Variants in LGR5 observed in about 807,000 individuals in gnomAD.
LGR5 encodes leucine rich repeat containing G protein-coupled receptor 5, also known as leucine-rich repeat-containing G protein-coupled receptor 5.
In LGR5, 54 loss-of-function variants were observed where a neutral mutation model predicts 76.7. The observed-to-expected ratio is 0.70, with a 90% CI of 0.57 to 0.88. The LOEUF (loss-of-function observed/expected upper bound fraction) is 0.88. Ranked by LOEUF, LGR5 falls within the 40% of genes least tolerant of loss-of-function variation. The probability of loss-of-function intolerance (pLI) is 0.00; values close to 1 mark genes in which losing one functional copy is unlikely to be tolerated. For missense variants in LGR5, 1,078 were observed against 1,073.3 expected (o/e 1.00, Z -0.06); for synonymous variants, 406 against 421.9 (o/e 0.96, Z 0.46).
intron 1 of LGR5, among the ~76,000 whole-genome samples, chr12:71,472,473 G>A (rs1457441753): frequency 6.6e-6 from 1 of 152,146 alleles, no homozygotes; most frequent in African/African-American, 2.4e-5. Flanking sequence ...GAGCAAGTAT[G>A]CCCACAGATA....
chr12:71,481,469 G>A (rs1018691821), intron 1 of LGR5, among the ~76,000 whole-genome samples: 2 of 152,114 alleles, frequency 1.3e-5, no homozygotes, highest in Admixed American at 1.3e-4. Context: ...GTGTATATAT[G>A]CCACATTTTC....
At chr12:71,529,256 T>C (rs1051246167) in intron 3 of LGR5, among the ~76,000 whole-genome samples, 1 of 152,210 alleles carries the variant, frequency 6.6e-6, no homozygotes, top group African/African-American at 2.4e-5. Flanking sequence ...AAAAGAGCTT[T>C]AATTGGCTCA....
Position 71,553,090 on chromosome 12 carries a change from A to G in LGR5, c.446A>G (p.His149Arg). The G allele has an allele frequency of 1.9e-6, 3 of 1,613,862 alleles. No homozygotes were observed. The highest frequency in any genetic ancestry group is 2.5e-6 in the Non-Finnish European group (3 of 1,179,954). The change falls in exon 5 of 18, where the codon CAC (histidine) becomes CGC (arginine). Residue 149 changes from histidine to arginine, a missense_variant. Transcript: ENST00000266674. ...TTCCACAGGCGTCTGGATGCTAACC[A>G]CATCAGCTATGTGCCCCCAAGCTGT... ...SLQSLRLDANHISYVPPSCFS... is the reference protein window; with the variant it reads ...SLQSLRLDANRISYVPPSCFS...
chr12:71,471,819 A>C (rs933692213), intron 1 of LGR5, among the ~76,000 whole-genome samples: 1 of 152,180 alleles, frequency 6.6e-6, no homozygotes, highest in Non-Finnish European at 1.5e-5. Flanking sequence ...GAATAGGCCA[A>C]GCACAGTGCC....
chr12:71,489,491 A>G (rs965490638), intron 1 of LGR5, among the ~76,000 whole-genome samples: 6 of 152,206 alleles, frequency 3.9e-5, no homozygotes, highest in African/African-American at 1.4e-4. Flanking sequence ...AATTGATTTT[A>G]TAGAGTTCAT....
rs117312970 is a variant in LGR5, at chr12:71,480,259, G to A, written c.213-24355G>A. Among the ~76,000 whole-genome samples, 249 of 151,770 alleles carry A rather than the reference G, an allele frequency of 1.6e-3. 3 individuals carry two copies. In the East Asian group the frequency reaches 0.025, roughly 16 times the overall value. On this transcript the variant is annotated intron_variant, in intron 1 of 17. Transcript: ENST00000266674. ...TGTGCTTGTAATCCCAGCTGCTCGG[G>A]AGGCTGAGGCAGACACGCTTGAACC...
chr12:71,474,483 C>A (rs1873240854), intron 1 of LGR5, among the ~76,000 whole-genome samples: 1 of 152,152 alleles, frequency 6.6e-6, no homozygotes, highest in African/African-American at 2.4e-5. Flanking sequence ...AAAGGATAAG[C>A]TTCAGTTTAG....
At chr12:71,529,956 C>CAAAAAAAA (rs34678480) in intron 3 of LGR5, among the ~76,000 whole-genome samples, 1 of 91,396 alleles carries the variant, frequency 1.1e-5, no homozygotes, top group Non-Finnish European at 2.3e-5. Flanking sequence ...ATTCTGTCTC[C>CAAAAAAAA]AAAAAAAAAA....
At position 71,584,486 on chromosome 12, in the gene LGR5, CACTTTAAGG is replaced by C; in HGVS notation, c.2478_2486del (p.His826_Glu829delinsGln). The C allele has an allele frequency of 6.2e-7, 1 of 1,614,174 alleles. No homozygotes were observed. Among genetic ancestry groups the C allele is most frequent in the South Asian group, 1.1e-5 (1 of 91,074 alleles). On this transcript the variant is annotated inframe_deletion, in exon 18 of 18. Transcript: ENST00000266674. ...CCTTCTCTACATCTTGTTCAATCCT[CACTTTAAGG>C]AGGATCTGGTGAGCCTGAGAAAGCA...
intron 4 of LGR5, among the ~76,000 whole-genome samples, chr12:71,535,680 G>T (rs984546732): frequency 5.3e-5 from 8 of 152,104 alleles, no homozygotes; most frequent in Non-Finnish European, 8.8e-5. Context: ...AGGAGCCTAA[G>T]ATCTACTGGT....
intron 8 of LGR5, among the ~76,000 whole-genome samples, chr12:71,563,872 G>GTA (rs534909606): frequency 0.023 from 3,121 of 135,450 alleles, 130 homozygotes; most frequent in African/African-American, 0.063. Context: ...GTGTGTGTGT[G>GTA]TATATAGTGT....
At chr12:71,565,172 G>A (rs1878278412) in intron 8 of LGR5, among the ~76,000 whole-genome samples, 1 of 151,864 alleles carries the variant, frequency 6.6e-6, no homozygotes, top group African/African-American at 2.4e-5. Flanking sequence ...GACAGAAGAG[G>A]ATTTAGGTTT....
intron 1 of LGR5, among the ~76,000 whole-genome samples, chr12:71,456,395 G>T (rs995311518): frequency 6.6e-6 from 1 of 152,108 alleles, no homozygotes; most frequent in East Asian, 1.9e-4. Context: ...AAGCTGGCAG[G>T]GTTGTGTTCT....
At chr12:71,504,224 G>A (rs1874745345) in intron 1 of LGR5, among the ~76,000 whole-genome samples, 2 of 152,050 alleles carry the variant, frequency 1.3e-5, no homozygotes, top group Non-Finnish European at 2.9e-5. Flanking sequence ...TTCTAGAGTT[G>A]CACAGTGAAG....
chr12:71,442,510 G>T (rs1318654142), intron 1 of LGR5, among the ~76,000 whole-genome samples: 1 of 152,164 alleles, frequency 6.6e-6, no homozygotes, highest in African/African-American at 2.4e-5. Context: ...TGTAAAAAGT[G>T]ATACAGTAAA....
intron 4 of LGR5, among the ~76,000 whole-genome samples, chr12:71,538,637 CA>C (rs1424389952): frequency 6.6e-6 from 1 of 152,194 alleles, no homozygotes; most frequent in African/African-American, 2.4e-5. Context: ...GAACTCTTTT[CA>C]AACCTGAAAT....
rs908904719 is a variant in LGR5 at position 71,440,491 on chromosome 12, G to T, written c.212+199G>T. Among the ~76,000 whole-genome samples, 1 of 152,186 alleles carries T rather than the reference G, an allele frequency of 6.6e-6. No individual in the cohort carries two copies. The highest frequency in any genetic ancestry group is 2.4e-5 in the African/African-American group (1 of 41,456). ...GGGAGTAGCGTGCCGGCACTTTCTG[G>T]ACCCGCAGAGAAATGGCTTCGAGTG... On this transcript the variant is annotated intron_variant, in intron 1 of 17. Coordinates refer to ENST00000266674, the MANE Select transcript of LGR5 (RefSeq NM_003667.4). This position sits in a 1 kb window ranked among gnomAD's most constrained non-coding sequence, Gnocchi z 5.3.
intron 2 of LGR5, among the ~76,000 whole-genome samples, chr12:71,515,642 T>A (rs749739440): frequency 6.6e-6 from 1 of 152,146 alleles, no homozygotes; most frequent in Non-Finnish European, 1.5e-5. Flanking sequence ...GAGGGAAAAC[T>A]ATTACCATTA....
At chr12:71,460,097 C>T (rs1173108015) in intron 1 of LGR5, among the ~76,000 whole-genome samples, 1 of 152,016 alleles carries the variant, frequency 6.6e-6, no homozygotes, top group Non-Finnish European at 1.5e-5. Context: ...GTCATGTTTG[C>T]CCTGCTCTTG....
Sources: gnomAD v4.1 joint callset for allele counts (sites outside exome capture counted in the v4.1 genomes callset) on GRCh38, gnomAD v4.1.1 for gene constraint, Gnocchi (gnomAD v3.1) non-coding constraint, MANE v1.5 for transcripts, NCBI Gene and HGNC (gene_info 2026-07-23, HGNC 2026-07-21) for gene names.